Variants in SMARCAD1 observed in about 807,000 individuals in gnomAD.
SMARCAD1 encodes the protein SWI/SNF-related matrix-associated actin-dependent regulator of chromatin subfamily A containing DEAD/H box 1.
A neutral mutation model predicts 127.1 loss-of-function variants in SMARCAD1; 25 were observed. The ratio of observed to expected loss-of-function variants is 0.20; its 90% CI spans 0.14 to 0.27. The LOEUF (loss-of-function observed/expected upper bound fraction) is 0.27, where lower values mean the gene tolerates loss of function less well. Among genes scored for constraint, SMARCAD1 ranks in the 10% least tolerant of loss-of-function variants. The pLI, the probability that SMARCAD1 is intolerant of heterozygous loss-of-function variation, is 1.00. For synonymous variants in SMARCAD1, 400 were observed against 396.9 expected, an observed-to-expected ratio of 1.01 and a Z score of -0.09; for missense variants, 807 against 1,206.0, an observed-to-expected ratio of 0.67 and a Z score of 4.90.
At chr4:94,239,513 A>C (rs867354443) in intron 5 of SMARCAD1, among the ~76,000 whole-genome samples, 7 of 151,418 alleles carry the variant, frequency 4.6e-5, no homozygotes, top group Non-Finnish European at 1.0e-4. Context: ...AGAAGATAAG[A>C]GTACGAATTT....
rs1455661050 is a variant in SMARCAD1, at chr4:94,289,740, T to C, written c.*206T>C. On this transcript the variant is annotated 3_prime_UTR_variant, in exon 24 of 24. Transcript: ENST00000354268. ...GAAATTTCAAAAAAGAAGCCACAAA[T>C]ATGTAGTTCTGAAGATGTTGAATAA... 1 of 665,368 alleles carries C rather than the reference T, an allele frequency of 1.5e-6. No homozygotes were observed. The highest frequency in any genetic ancestry group is 2.0e-5 in the Admixed American group (1 of 48,826). 41.2% of individuals were successfully genotyped at this position (665,368 alleles called of 1,614,324 possible). A position where few individuals can be genotyped will look rare whatever the true frequency, so the allele number is the denominator to read the frequency against.
rs1334377565 is a variant in SMARCAD1, at chr4:94,278,621, C to G, written c.2184C>G (p.Leu728=). ...FILRRVKEEV[L]KQLPPKKDRI... ...AACTGTTTTTTCTGTCTCAGGTTCT[C>G]AAGCAGTTACCCCCCAAGAAAGATC... The change falls in exon 18 of 24, where the codon CTC becomes CTG. Residue 728 remains leucine (L), a synonymous_variant. Transcript: ENST00000354268. The G allele has an allele frequency of 1.9e-6, 3 of 1,613,912 alleles. No individual in the cohort carries two copies. The highest frequency in any genetic ancestry group is 1.7e-5 in the Admixed American group (1 of 60,012).
At chr4:94,234,888 G>A (rs1174759745) in intron 4 of SMARCAD1, among the ~76,000 whole-genome samples, 1 of 152,158 alleles carries the variant, frequency 6.6e-6, no homozygotes, top group East Asian at 1.9e-4. Context: ...TAACTTTGAA[G>A]TGGTAGAGAC....
intron 14 of SMARCAD1, among the ~76,000 whole-genome samples, chr4:94,275,673 T>A (rs910664839): frequency 1.3e-5 from 2 of 152,172 alleles, no homozygotes; most frequent in African/African-American, 2.4e-5. Flanking sequence ...ATGTTTTAGC[T>A]TCACGTTCTT....
At position 94,290,336 on chromosome 4, in the gene SMARCAD1, C is replaced by G. The variant is rs1462218841; in HGVS notation, c.*802C>G. On this transcript the variant is annotated 3_prime_UTR_variant, in exon 24 of 24. Coordinates refer to ENST00000354268, the MANE Select transcript of SMARCAD1 (RefSeq NM_020159.5). ...GCTTCTCTTGAAACTGTTGCCCAGTCACTTCTGCTCCAATTCTCTTCCTCT... is the reference window on the plus strand; with the variant it reads ...GCTTCTCTTGAAACTGTTGCCCAGTGACTTCTGCTCCAATTCTCTTCCTCT... 3 of 454,484 alleles carry G rather than the reference C, an allele frequency of 6.6e-6. No individual in the cohort carries two copies. The highest frequency in any genetic ancestry group is 4.7e-5 in the South Asian group (3 of 64,472). The allele number at this position is 454,484 out of a possible 1,614,324, so 28.2% of individuals were successfully genotyped here. A position where few individuals can be genotyped will look rare whatever the true frequency, so the allele number is the denominator to read the frequency against.
chr4:94,251,409 T>G (rs1349278705), intron 8 of SMARCAD1, among the ~76,000 whole-genome samples: 1 of 152,194 alleles, frequency 6.6e-6, no homozygotes, highest in Non-Finnish European at 1.5e-5. Flanking sequence ...GCATGGTAGC[T>G]TTTGGTGTTT....
chr4:94,249,891 G>GTTA (rs1208652240), intron 7 of SMARCAD1, 136 bp downstream of exon 7: 2 of 640,130 alleles, frequency 3.1e-6, no homozygotes, highest in Non-Finnish European at 5.6e-6. Flanking sequence ...TTTTATCAAT[G>GTTA]TTATAAAGTA....
chr4:94,283,679 G>C (rs36054928), intron 22 of SMARCAD1, among the ~76,000 whole-genome samples: 1 of 151,892 alleles, frequency 6.6e-6, no homozygotes, highest in Admixed American at 6.6e-5. Context: ...CAAAAAATTA[G>C]CCGGGCATGG....
chr4:94,231,738 A>G (rs1579088274), intron 3 of SMARCAD1, among the ~76,000 whole-genome samples: 1 of 152,124 alleles, frequency 6.6e-6, no homozygotes, highest in East Asian at 1.9e-4. Context: ...ATTTTTTTCA[A>G]AACCAAGATC....
rs1345898286 is a variant in SMARCAD1 at position 94,253,387 on chromosome 4, A to C, written c.1281+380A>C. The C allele has an allele frequency of 2.4e-6, 3 of 1,270,626 alleles. No individual in the cohort carries two copies. The African/African-American group carries it at 4.6e-5, about 20-fold the overall frequency. 78.7% of individuals were successfully genotyped at this position (1,270,626 alleles called of 1,614,324 possible). On this transcript the variant is annotated intron_variant, in intron 9 of 23. Coordinates refer to ENST00000354268, the MANE Select transcript of SMARCAD1 (RefSeq NM_020159.5). ...ACCATGCAGAAAGCAAGAATGTGGCAGAAATTTTACTACAACTACTTGAAG... is the reference window on the plus strand; with the variant it reads ...ACCATGCAGAAAGCAAGAATGTGGCCGAAATTTTACTACAACTACTTGAAG...
At chr4:94,262,744 G>C (rs2125946534) in intron 9 of SMARCAD1, among the ~76,000 whole-genome samples, 1 of 152,178 alleles carries the variant, frequency 6.6e-6, no homozygotes. Flanking sequence ...TTTTTGTGAT[G>C]AGTGCCCATG....
intron 9 of SMARCAD1, among the ~76,000 whole-genome samples, chr4:94,260,990 A>G (rs1214532950): frequency 6.6e-6 from 1 of 152,180 alleles, no homozygotes. Context: ...AGTTTCAGCT[A>G]TGAAGGAAAT....
intron 2 of SMARCAD1, among the ~76,000 whole-genome samples, chr4:94,218,623 G>A (rs1281434102): frequency 2.0e-5 from 3 of 151,410 alleles, no homozygotes; most frequent in Non-Finnish European, 4.4e-5. Flanking sequence ...TTTGAAATGG[G>A]GTTTTTTCCC....
chr4:94,228,281 C>A (rs1230169593), intron 3 of SMARCAD1, among the ~76,000 whole-genome samples: 6 of 152,122 alleles, frequency 3.9e-5, no homozygotes, highest in African/African-American at 1.4e-4. Flanking sequence ...TCAACTCTCA[C>A]AGTCTTTTCA....
At chr4:94,284,745 T>C (rs1006185446) in intron 22 of SMARCAD1, among the ~76,000 whole-genome samples, 4 of 152,174 alleles carry the variant, frequency 2.6e-5, no homozygotes, top group Non-Finnish European at 5.9e-5. Flanking sequence ...TAATTTACTT[T>C]AAATACAAAT....
In SMARCAD1 at chr4:94,249,912, G is replaced by A. The variant is rs79515522; in HGVS notation, c.807+157G>A. 7.9e-3 allele frequency among the ~76,000 whole-genome samples: 1,195 copies of A among 151,894 alleles called. 16 individuals are homozygous for A. Among genetic ancestry groups the A allele is most frequent in the African/African-American group, 0.027 (1,141 of 41,492 alleles). On this transcript the variant is annotated intron_variant, in intron 7 of 23. Coordinates refer to ENST00000354268, the MANE Select transcript of SMARCAD1 (RefSeq NM_020159.5). The stretch of plus-strand genomic sequence containing the variant: ...CAATGTTATAAAGTATTTTCATACT[G>A]TTTATTTATGTTGTTTATTTACCTT...
chr4:94,257,013 T>C (rs1750201293), intron 9 of SMARCAD1, among the ~76,000 whole-genome samples: 1 of 152,140 alleles, frequency 6.6e-6, no homozygotes, highest in African/African-American at 2.4e-5. Context: ...TTCAAAAATA[T>C]CTGTACAGTA....
intron 6 of SMARCAD1, among the ~76,000 whole-genome samples, chr4:94,243,118 A>T (rs1747851377): frequency 6.6e-6 from 1 of 152,066 alleles, no homozygotes; most frequent in Non-Finnish European, 1.5e-5. Flanking sequence ...CACCATGCTC[A>T]GTTAATTTTT....
chr4:94,260,962 A>AT (rs1210032229), intron 9 of SMARCAD1, among the ~76,000 whole-genome samples: 2 of 152,096 alleles, frequency 1.3e-5, no homozygotes, highest in East Asian at 1.9e-4. Flanking sequence ...GTCTGCTGTA[A>AT]TTTTTTTTAT....
Sources: gnomAD v4.1 joint callset for allele counts (sites outside exome capture counted in the v4.1 genomes callset) on GRCh38, gnomAD v4.1.1 for gene constraint, MANE v1.5 for transcripts, NCBI Gene and HGNC (gene_info 2026-07-23, HGNC 2026-07-21) for gene names.